The following EPHA5 variants were observed in gnomAD, a reference collection of about 807,000 sequenced individuals.
EPHA5 encodes EPH receptor A5.
EPHA5 carries 60 observed loss-of-function variants against 105.0 expected under a neutral mutation model. That is an observed-to-expected ratio of 0.57 (90% CI 0.46 to 0.71). EPHA5 has a LOEUF of 0.71. EPHA5 is among the 30% of genes least tolerant of loss of function. The probability of loss-of-function intolerance (pLI) is 0.00; values close to 1 mark genes in which losing one functional copy is unlikely to be tolerated. For missense variants in EPHA5, 1,218 were observed against 1,274.7 expected (o/e 0.96, Z 0.68); for synonymous variants, 513 against 449.1 (o/e 1.14, Z -1.80).
chr4:65,528,704 T>A (rs767172864), intron 3 of EPHA5, among the ~76,000 whole-genome samples: 21 of 152,164 alleles, frequency 1.4e-4, no homozygotes, highest in Non-Finnish European at 2.4e-4. Flanking sequence ...TTTGGTTAAA[T>A]CTGAATTTTA....
intron 2 of EPHA5, among the ~76,000 whole-genome samples, chr4:65,607,806 A>T (rs1370790091): frequency 1.3e-5 from 2 of 152,142 alleles, no homozygotes; most frequent in Non-Finnish European, 2.9e-5. Context: ...CTGAAATACC[A>T]TTTGACCCAG....
At chr4:65,475,565 T>G (rs1036760976) in intron 5 of EPHA5, among the ~76,000 whole-genome samples, 1 of 152,066 alleles carries the variant, frequency 6.6e-6, no homozygotes, top group South Asian at 2.1e-4. Flanking sequence ...GGAATAGTAA[T>G]AAAGGGGAGT....
At chr4:65,473,885 CTT>C (rs35439573) in intron 5 of EPHA5, among the ~76,000 whole-genome samples, 2 of 144,434 alleles carry the variant, frequency 1.4e-5, no homozygotes, top group East Asian at 4.0e-4. Context: ...TTTGTAAGGG[CTT>C]TTTTTTTTTG....
chr4:65,437,527 T>C (rs1359051088), intron 5 of EPHA5, among the ~76,000 whole-genome samples: 1 of 151,940 alleles, frequency 6.6e-6, no homozygotes, highest in Non-Finnish European at 1.5e-5. Context: ...CTTCTTAGAA[T>C]GATCAAGAAA....
Position 65,503,344 on chromosome 4 carries a change from A to G in EPHA5, c.911-7801T>C, listed in dbSNP as rs547395202. ...TGTTATTAGGTTAAAACATTGATAC[A>G]ATTAAAATAAATTTAAACTACGAGC... is the stretch of plus-strand genomic sequence containing the variant. On this transcript the variant is annotated intron_variant, in intron 3 of 16. Transcript: ENST00000613740. 2.0e-4 allele frequency among the ~76,000 whole-genome samples: 30 copies of G among 151,800 alleles called. 1 individual carries two copies. The highest frequency in any genetic ancestry group is 1.6e-3 in the Admixed American group (25 of 15,162).
intron 5 of EPHA5, among the ~76,000 whole-genome samples, chr4:65,481,964 C>G (rs1026812174): frequency 1.3e-5 from 2 of 152,108 alleles, no homozygotes; most frequent in African/African-American, 4.8e-5. Context: ...ATTCAATGAC[C>G]TACTGAAATA....
chr4:65,345,934 G>T (rs1045670665), intron 14 of EPHA5, among the ~76,000 whole-genome samples: 3 of 151,840 alleles, frequency 2.0e-5, no homozygotes, highest in Non-Finnish European at 4.4e-5. Context: ...CACCACGCCC[G>T]GCTAATTTTT....
At chr4:65,542,706 C>T (rs948628845) in intron 3 of EPHA5, among the ~76,000 whole-genome samples, 3 of 151,908 alleles carry the variant, frequency 2.0e-5, no homozygotes, top group Non-Finnish European at 4.4e-5. Flanking sequence ...AGGGACTCCT[C>T]CCTAACTCAT....
intron 5 of EPHA5, among the ~76,000 whole-genome samples, chr4:65,448,509 G>T (rs1358506035): frequency 1.3e-5 from 2 of 152,022 alleles, no homozygotes; most frequent in Admixed American, 1.3e-4. Flanking sequence ...TTAGCTAGGT[G>T]TAGTGGCACA....
chr4:65,579,640 T>A (rs946939950), intron 3 of EPHA5, among the ~76,000 whole-genome samples: 2 of 151,890 alleles, frequency 1.3e-5, no homozygotes, highest in Admixed American at 6.6e-5. Context: ...TCTTCAGATT[T>A]GTTGAATAAA....
At chr4:65,400,711 G>T (rs1016654110) in intron 8 of EPHA5, among the ~76,000 whole-genome samples, 2 of 151,998 alleles carry the variant, frequency 1.3e-5, no homozygotes, top group Non-Finnish European at 2.9e-5. Context: ...ATTTGAAATA[G>T]ATCAGTTTCA....
At chr4:65,465,533 AAAGGAAAGGAAGGAAAGGAAGG>A (rs1728611674) in intron 5 of EPHA5, among the ~76,000 whole-genome samples, 1 of 69,708 alleles carries the variant, frequency 1.4e-5, no homozygotes, top group African/African-American at 5.4e-5. Flanking sequence ...GAAAGAAAAG[AAAGGAAAGGAAGGAAAGGAAGG>A]AAAGGAAGGA....
chr4:65,640,317 G>C (rs1279875849), intron 2 of EPHA5, among the ~76,000 whole-genome samples: 2 of 117,136 alleles, frequency 1.7e-5, no homozygotes, highest in African/African-American at 3.3e-5. Context: ...ACGGAGTCTC[G>C]CTCTGTCGCC....
chr4:65,331,191 A>G (rs2148795589), intron 16 of EPHA5: 1 of 1,030,186 alleles, frequency 9.7e-7, no homozygotes, highest in East Asian at 5.7e-5. Context: ...ACAGGTTAAA[A>G]CATTAATGTT....
rs569689074 is a variant in EPHA5, at chr4:65,669,726, G to A, written c.17C>T (p.Pro6Leu). The change falls in exon 1 of 17, where the codon CCC becomes CTC. Residue 6 changes from proline (P) to leucine (L), a missense_variant. Around this residue, in one of 3 missense-constraint regions of EPHA5, gnomAD observed 233 missense variants for 227.5 expected, o/e 1.02. Coordinates refer to ENST00000613740, the MANE Select transcript of EPHA5 (RefSeq NM_001281766.3). The stretch of plus-strand genomic sequence containing the variant: ...GGGCCGCCGGCGTCCCGCACCCCGG[G>A]GCCCCGAGCCCCGCATCTTCTCCGA... MRGSG[P>L]RGAGRRRPPS... The A allele has an allele frequency of 5.5e-6, 7 of 1,269,048 alleles. No homozygotes were observed. In the South Asian group the frequency reaches 1.7e-4, roughly 31 times the overall value. The allele number at this position is 1,269,048 out of a possible 1,614,324, so 78.6% of individuals were successfully genotyped here.
chr4:65,498,110 G>A (rs567900711), intron 3 of EPHA5, among the ~76,000 whole-genome samples: 1 of 152,062 alleles, frequency 6.6e-6, no homozygotes, highest in East Asian at 1.9e-4. Flanking sequence ...GAGTTAAAGT[G>A]TATCCGTACC....
At chr4:65,414,574 G>C in intron 6 of EPHA5, 131 bp from the exon 7 acceptor site, 1 of 1,002,806 alleles carries the variant, frequency 1.0e-6, no homozygotes, top group Admixed American at 2.7e-5. Flanking sequence ...TAACATTTTA[G>C]AAAAAAATCC....
chr4:65,418,862 C>G (rs79578905), intron 6 of EPHA5, among the ~76,000 whole-genome samples: 9 of 47,042 alleles, frequency 1.9e-4, no homozygotes, highest in Admixed American at 3.1e-4. Context: ...TACCTAAACT[C>G]TTTTTTTTTT....
At chr4:65,593,786 C>G (rs1467274389) in intron 3 of EPHA5, among the ~76,000 whole-genome samples, 3 of 152,146 alleles carry the variant, frequency 2.0e-5, no homozygotes, top group African/African-American at 7.2e-5. Context: ...CACTTTTAAG[C>G]CCAATGCCGT....
Sources: allele counts gnomAD v4.1 joint callset (sites outside exome capture counted in the v4.1 genomes callset), GRCh38; gene constraint gnomAD v4.1.1; regional missense constraint gnomAD v4.1.1; transcripts MANE v1.5; gene names NCBI Gene and HGNC (gene_info 2026-07-23, HGNC 2026-07-21).